Variants in ZNF782 observed in about 807,000 individuals in gnomAD.
ZNF782 encodes zinc finger protein 782.
A neutral mutation model predicts 13.0 loss-of-function variants in ZNF782; 12 were observed. The ratio of observed to expected loss-of-function variants is 0.92; its 90% CI spans 0.59 to 1.50. The LOEUF (loss-of-function observed/expected upper bound fraction) is 1.50, where lower values mean the gene tolerates loss of function less well. ZNF782 is among the 40% of genes most tolerant of loss of function. The pLI, the probability that ZNF782 is intolerant of heterozygous loss-of-function variation, is 0.00. For missense variants in ZNF782, 770 were observed against 822.9 expected (o/e 0.94, Z 0.79); for synonymous variants, 284 against 283.0 (o/e 1.00, Z -0.04).
the ZNF782 span, among the ~76,000 whole-genome samples, chr9:96,924,953 G>A: frequency 2.0e-5 from 3 of 152,264 alleles, no homozygotes; most frequent in Admixed American, 6.5e-5. Flanking sequence ...CTGGCCACAA[G>A]GATGGGGTCG....
At chr9:96,918,075 A>C in the ZNF782 span, among the ~76,000 whole-genome samples, 1,237 of 150,698 alleles carry the variant, frequency 8.2e-3, 39 homozygotes, top group East Asian at 0.096. Context: ...ATTTAAAGTC[A>C]TTTTATGGGA....
At chr9:96,845,079 G>A in intron 3 of ZNF782, 63 bp from the exon 4 acceptor site, 2 of 1,593,580 alleles carry the variant, frequency 1.3e-6, no homozygotes, top group Admixed American at 3.4e-5. Context: ...AACGTTTTCG[G>A]AAACTAACTC....
the ZNF782 span, among the ~76,000 whole-genome samples, chr9:96,882,448 ATAG>A: frequency 6.6e-6 from 1 of 152,182 alleles, no homozygotes; most frequent in Non-Finnish European, 1.5e-5. Flanking sequence ...CTTTTTTAAA[ATAG>A]TAGGCTTCCT....
chr9:96,868,260 AATC>A (rs1851783079), intron 1 of ZNF782, among the ~76,000 whole-genome samples: 1 of 152,248 alleles, frequency 6.6e-6, no homozygotes, highest in African/African-American at 2.4e-5. Flanking sequence ...ATTTTGAAGA[AATC>A]ATTAAAACTG....
At chr9:96,853,749 G>T (rs551323182) in intron 1 of ZNF782, among the ~76,000 whole-genome samples, 14 of 152,190 alleles carry the variant, frequency 9.2e-5, no homozygotes, top group African/African-American at 1.4e-4. Flanking sequence ...TGATATTAGC[G>T]CCTGAAACGG....
the ZNF782 span, among the ~76,000 whole-genome samples, chr9:96,930,498 T>C: frequency 7.4e-6 from 1 of 135,514 alleles, no homozygotes; most frequent in African/African-American, 2.9e-5. Context: ...CACTCCAGCC[T>C]GGGTGACAGA....
At chr9:96,867,274 A>G (rs1851767496) in intron 1 of ZNF782, among the ~76,000 whole-genome samples, 1 of 152,162 alleles carries the variant, frequency 6.6e-6, no homozygotes, top group Admixed American at 6.5e-5. Flanking sequence ...TGTTCTTGTG[A>G]TAGTGAATAA....
intron 3 of ZNF782, among the ~76,000 whole-genome samples, chr9:96,849,617 G>A (rs1851435088): frequency 6.6e-6 from 1 of 152,116 alleles, no homozygotes; most frequent in Non-Finnish European, 1.5e-5. Context: ...CCACGAACTC[G>A]TGACTAATAC....
the ZNF782 span, among the ~76,000 whole-genome samples, chr9:96,930,880 T>G: frequency 0.022 from 1,410 of 63,622 alleles, 2 homozygotes; most frequent in South Asian, 0.045. Context: ...TGGTTTTTTT[T>G]TTTTTTTTTT....
chr9:96,870,954 C>A (rs1347983065), intron 1 of ZNF782, among the ~76,000 whole-genome samples: 2 of 152,128 alleles, frequency 1.3e-5, no homozygotes, highest in African/African-American at 4.8e-5. Context: ...TAGCAGTTAG[C>A]ATGTTTGGGG....
At chr9:96,931,310 G>C in the ZNF782 span, among the ~76,000 whole-genome samples, 1 of 151,402 alleles carries the variant, frequency 6.6e-6, no homozygotes, top group African/African-American at 2.4e-5. Flanking sequence ...GTTTCCTGTC[G>C]GCCTTCTGAA....
chr9:96,884,924 GA>G, the ZNF782 span, among the ~76,000 whole-genome samples: 1 of 150,946 alleles, frequency 6.6e-6, no homozygotes, highest in South Asian at 2.1e-4. Flanking sequence ...ACAGAAATGA[GA>G]AAAAAAATAA....
intron 3 of ZNF782, among the ~76,000 whole-genome samples, chr9:96,847,931 T>G (rs1299710266): frequency 6.6e-6 from 1 of 152,146 alleles, no homozygotes; most frequent in East Asian, 1.9e-4. Context: ...AACAAAACAC[T>G]AGCTAACTGA....
At chr9:96,880,971 C>A in the ZNF782 span, among the ~76,000 whole-genome samples, 12,102 of 152,032 alleles carry the variant, frequency 0.08, 1,480 homozygotes, top group African/African-American at 0.26. Flanking sequence ...TATAAAACTA[C>A]TTAAATTATC....
the ZNF782 span, chr9:96,895,366 T>C: frequency 1.3e-5 from 2 of 152,226 alleles, no homozygotes; most frequent in African/African-American, 2.4e-5. Flanking sequence ...TAAATTCTTA[T>C]CTGTTCTGTA....
chr9:96,931,668 C>G, the ZNF782 span: 6 of 1,604,282 alleles, frequency 3.7e-6, no homozygotes, highest in Non-Finnish European at 5.1e-6. Flanking sequence ...TCCCCAGTGA[C>G]TAGAGTGGAC....
chr9:96,893,539 A>G, the ZNF782 span: 1 of 152,196 alleles, frequency 6.6e-6, no homozygotes, highest in East Asian at 1.9e-4. Flanking sequence ...GTATATACCC[A>G]AAGGATTATA....
chr9:96,895,577 T>C, the ZNF782 span: 1 of 148,872 alleles, frequency 6.7e-6, no homozygotes, highest in African/African-American at 2.6e-5. Context: ...CTATAGCACT[T>C]TACCAAGTTG....
chr9:96,898,830 TC>T, the ZNF782 span, among the ~76,000 whole-genome samples: 2 of 148,856 alleles, frequency 1.3e-5, no homozygotes, highest in Admixed American at 6.6e-5. Flanking sequence ...CACCTGGGCC[TC>T]CCAAAGTGCT....
Sources: allele counts gnomAD v4.1 joint callset (sites outside exome capture counted in the v4.1 genomes callset), GRCh38; gene constraint gnomAD v4.1.1; transcripts MANE v1.5; gene names NCBI Gene and HGNC (gene_info 2026-07-23, HGNC 2026-07-21).